KDM2B: variants seen among roughly 807,000 people sequenced by gnomAD.
KDM2B encodes lysine-specific demethylase 2B.
KDM2B carries 26 observed loss-of-function variants against 150.0 expected under a neutral mutation model. That is an observed-to-expected ratio of 0.17 (90% CI 0.13 to 0.24). The LOEUF (loss-of-function observed/expected upper bound fraction) is 0.24, where lower values mean the gene tolerates loss of function less well. Among genes scored for constraint, KDM2B ranks in the 10% least tolerant of loss-of-function variants. The pLI is 1.00. For missense variants in KDM2B, 1,265 were observed against 1,816.9 expected, an observed-to-expected ratio of 0.70 and a Z score of 5.52; for synonymous variants, 734 against 729.5, an observed-to-expected ratio of 1.01 and a Z score of -0.10.
intron 2 of KDM2B, among the ~76,000 whole-genome samples, chr12:121,576,597 G>C (rs189717054): frequency 6.6e-5 from 10 of 152,220 alleles, no homozygotes; most frequent in African/African-American, 9.6e-5. Flanking sequence ...TCTCTGTCTG[G>C]GGTTTTTCTA....
At chr12:121,532,456 A>G (rs1330200177) in intron 8 of KDM2B, among the ~76,000 whole-genome samples, 4 of 152,156 alleles carry the variant, frequency 2.6e-5, no homozygotes, top group African/African-American at 9.7e-5. Flanking sequence ...CCAGAATTCC[A>G]CCTGAGGCCA....
chr12:121,443,289 C>T (rs1875503614), intron 17 of KDM2B: 1 of 586,268 alleles, frequency 1.7e-6, no homozygotes. Context: ...TGGAGATGTG[C>T]AGCCGCCCAT....
At chr12:121,443,062 C>T in intron 17 of KDM2B, 32 bp from the exon 18 acceptor site, 1 of 1,592,108 alleles carries the variant, frequency 6.3e-7, no homozygotes, top group South Asian at 1.1e-5. Context: ...GCAGAGCTTG[C>T]TCCCCGGGCT....
chr12:121,578,151 T>A (rs1178333963), intron 2 of KDM2B, among the ~76,000 whole-genome samples: 1 of 152,164 alleles, frequency 6.6e-6, no homozygotes, highest in Non-Finnish European at 1.5e-5. Flanking sequence ...AATTCTTGGC[T>A]TCAACCTATC....
chr12:121,444,197 C>T lies in KDM2B; in HGVS notation c.2266G>A (p.Asp756Asn). The change falls in exon 16 of 23, where the codon GAC becomes AAC. Residue 756 changes from aspartate (D) to asparagine (N), a missense_variant. Around this residue, in one of 11 missense-constraint regions of KDM2B, gnomAD observed 38 missense variants for 98.1 expected, o/e 0.39. Transcript: ENST00000377071. ...SLLKEQKMNRDNKEGQEPAKR... is the reference protein window; with the variant it reads ...SLLKEQKMNRNNKEGQEPAKR... ...GCAGGTTCCTGCCCTTCCTTGTTGT[C>T]CCGGTTCATCTTCTGCTCCTTGAGC... 1 of 1,613,142 alleles carries T rather than the reference C, an allele frequency of 6.2e-7. No homozygotes were observed. Among genetic ancestry groups the T allele is most frequent in the Non-Finnish European group, 8.5e-7 (1 of 1,180,036 alleles).
chr12:121,433,167 T>A (rs947360644), intron 22 of KDM2B: 11 of 456,620 alleles, frequency 2.4e-5, no homozygotes, highest in Non-Finnish European at 4.4e-5. Flanking sequence ...GGTTCACATA[T>A]TCCCCAAAAC....
chr12:121,449,609 T>C (rs1015017670), intron 13 of KDM2B, among the ~76,000 whole-genome samples: 1 of 152,076 alleles, frequency 6.6e-6, no homozygotes, highest in East Asian at 1.9e-4. Context: ...GAGATAATAA[T>C]GCCAAAGAGA....
At position 121,430,142 on chromosome 12, in the gene KDM2B, AAC is replaced by A; in HGVS notation, c.*144_*145del. 3.1e-6 allele frequency: 5 copies of A among 1,614,190 alleles called. No individual in the cohort carries two copies. Among genetic ancestry groups the A allele is most frequent in the Non-Finnish European group, 4.2e-6 (5 of 1,180,010 alleles). ...CACTCATCCCCCAAACGGGTGGTTG[AAC>A]AGCTTCTCCCTTGGAAAGACTTGCA... is the stretch of plus-strand genomic sequence containing the variant. On this transcript the variant is annotated 3_prime_UTR_variant, in exon 23 of 23. Coordinates refer to ENST00000377071, the MANE Select transcript of KDM2B (RefSeq NM_032590.5). The surrounding 1 kb of genome is among the most constrained non-coding windows in gnomAD (Gnocchi z 4.4).
At chr12:121,516,468 C>T in intron 9 of KDM2B, 1 of 1,333,166 alleles carries the variant, frequency 7.5e-7, no homozygotes, top group Non-Finnish European at 9.8e-7. Flanking sequence ...AATTGACTTA[C>T]AAACAGGTTG....
chr12:121,552,465 G>T (rs931896416), intron 4 of KDM2B, among the ~76,000 whole-genome samples: 12 of 152,086 alleles, frequency 7.9e-5, no homozygotes, highest in Non-Finnish European at 1.3e-4. Flanking sequence ...CTGAGGTCAG[G>T]AGTTCAAGAC....
intron 12 of KDM2B, among the ~76,000 whole-genome samples, chr12:121,482,936 G>A (rs1027049382): frequency 2.8e-4 from 43 of 151,308 alleles, no homozygotes; most frequent in African/African-American, 9.5e-4. Flanking sequence ...GAGGCCAAGC[G>A]GGGCGGATCA....
At chr12:121,529,073 A>T (rs1239939739) in intron 8 of KDM2B, among the ~76,000 whole-genome samples, 1 of 152,226 alleles carries the variant, frequency 6.6e-6, no homozygotes, top group Non-Finnish European at 1.5e-5. Flanking sequence ...ATTAACATAG[A>T]TGCAAAAAAC....
At chr12:121,580,702 A>C in intron 1 of KDM2B, 84 bp downstream of exon 1, 1 of 1,459,110 alleles carries the variant, frequency 6.9e-7, no homozygotes, top group Non-Finnish European at 9.2e-7. Flanking sequence ...ACCCCCAAAA[A>C]CGACCCCCCA....
At position 121,521,030 on chromosome 12, in the gene KDM2B, G is replaced by A. The variant is rs1555305835; in HGVS notation, c.1002C>T (p.Asn334=). 4 of 1,614,074 alleles carry A rather than the reference G, an allele frequency of 2.5e-6. No homozygotes were observed. Among genetic ancestry groups the A allele is most frequent in the South Asian group, 2.2e-5 (2 of 91,082 alleles). The change falls in exon 9 of 23, where the codon AAC becomes AAT. Residue 334 remains asparagine (N), a synonymous_variant. Coordinates refer to ENST00000377071, the MANE Select transcript of KDM2B (RefSeq NM_032590.5). The surrounding 1 kb of genome is among the most constrained non-coding windows in gnomAD (Gnocchi z 4.9). ...VFGGNILHSF[N]VPMQLRIYEI... Reference sequence around the variant, plus strand: ...CGTAGATCCGCAGCTGCATGGGCACGTTAAAGCTGTGCAGGATGTTTCCGC... The same window carrying A: ...CGTAGATCCGCAGCTGCATGGGCACATTAAAGCTGTGCAGGATGTTTCCGC...
chr12:121,444,835 G>T, intron 14 of KDM2B: 1 of 499,306 alleles, frequency 2.0e-6, no homozygotes, highest in Non-Finnish European at 3.7e-6. Context: ...CTCACTGGGG[G>T]GGTATGACCC....
In KDM2B at chr12:121,442,304, G is replaced by A; in HGVS notation, c.3137C>T (p.Pro1046Leu). 3 of 1,610,406 alleles carry A rather than the reference G, an allele frequency of 1.9e-6. No homozygotes were observed. The highest frequency in any genetic ancestry group is 2.5e-6 in the Non-Finnish European group (3 of 1,178,122). The change falls in exon 19 of 23, where the codon CCC becomes CTC. Residue 1046 changes from proline (P) to leucine (L), a missense_variant. By Grantham distance (98) the Pro-to-Leu change is moderately conservative (BLOSUM62 -3). Around this residue, in one of 11 missense-constraint regions of KDM2B, gnomAD observed 251 missense variants for 397.8 expected, o/e 0.63. Transcript: ENST00000377071. The surrounding 1 kb of genome is among the most constrained non-coding windows in gnomAD (Gnocchi z 7.7). ...IQMERHVIRP[P>L]PISPPPDSLP... Reference sequence around the variant, plus strand: ...CGAGTCAGGCGGGGGGCTGATGGGGGGTGGCCGGATCACATGGCGCTCCAT... The same window carrying A: ...CGAGTCAGGCGGGGGGCTGATGGGGAGTGGCCGGATCACATGGCGCTCCAT...
At chr12:121,567,412 TAAG>T (rs1411881883) in intron 4 of KDM2B, among the ~76,000 whole-genome samples, 1 of 152,174 alleles carries the variant, frequency 6.6e-6, no homozygotes, top group Non-Finnish European at 1.5e-5. Flanking sequence ...GGTGTCCTTA[TAAG>T]AAGAGTTTAG....
intron 12 of KDM2B, among the ~76,000 whole-genome samples, chr12:121,455,854 G>A (rs1314583589): frequency 6.6e-6 from 1 of 152,314 alleles, no homozygotes; most frequent in East Asian, 1.9e-4. Context: ...CTGCCCACGT[G>A]AGAAGTAAAA....
chr12:121,579,503 C>A, intron 1 of KDM2B: 1 of 1,005,816 alleles, frequency 9.9e-7, no homozygotes, highest in Non-Finnish European at 1.4e-6. Flanking sequence ...GCCCCCGCCG[C>A]CCGCCCGCCA....
Sources: allele counts gnomAD v4.1 joint callset (sites outside exome capture counted in the v4.1 genomes callset), GRCh38; gene constraint gnomAD v4.1.1; regional missense constraint gnomAD v4.1.1; non-coding constraint Gnocchi (gnomAD v3.1); transcripts MANE v1.5; gene names NCBI Gene and HGNC (gene_info 2026-07-23, HGNC 2026-07-21).